The following KXD1 variants were observed in gnomAD, a reference collection of about 807,000 sequenced individuals.
KXD1 encodes the protein KxDL motif containing 1.
KXD1 carries 5 observed loss-of-function variants against 12.1 expected under a neutral mutation model. The ratio of observed to expected loss-of-function variants is 0.41; its 90% CI spans 0.22 to 0.87. KXD1 has a LOEUF of 0.87. KXD1 is among the 40% of genes least tolerant of loss of function. KXD1 has a pLI of 0.31. For synonymous variants in KXD1, 98 were observed against 100.5 expected (o/e 0.98, Z 0.15); for missense variants, 193 against 244.9 (o/e 0.79, Z 1.41).
chr19:18,565,258 C>CT (rs1975155999), intron 3 of KXD1: 1 of 1,201,578 alleles, frequency 8.3e-7, no homozygotes. Context: ...GAGACGGAGT[C>CT]TCGCTCTGTT....
Position 18,562,106 on chromosome 19 carries a change from G to A in KXD1, c.50G>A (p.Ser17Asn). 6.2e-7 allele frequency: 1 copy of A among 1,613,760 alleles called. No homozygotes were observed. Among genetic ancestry groups the A allele is most frequent in the South Asian group, 1.1e-5 (1 of 90,972 alleles). The change falls in exon 2 of 5, where the codon AGC becomes AAC. Residue 17 changes from serine to asparagine, a missense_variant. Physicochemically the swap from Ser to Asn is conservative, Grantham distance 46. Transcript: ENST00000222307. ...AGGGTCTTCTGCGGCCGCATCCTGA[G>A]CATGGTGAACACAGATGATGTCAAC... ...ASRVFCGRILSMVNTDDVNAI... is the reference protein window; with the variant it reads ...ASRVFCGRILNMVNTDDVNAI...
chr19:18,566,412 C>T (rs572974555), intron 3 of KXD1, among the ~76,000 whole-genome samples: 4 of 85,278 alleles, frequency 4.7e-5, no homozygotes, highest in South Asian at 3.3e-4. Flanking sequence ...GCCGAGATCG[C>T]GCCACTGCAC....
At chr19:18,564,307 C>T (rs1343954849) in intron 2 of KXD1, among the ~76,000 whole-genome samples, 2 of 152,040 alleles carry the variant, frequency 1.3e-5, no homozygotes, top group Non-Finnish European at 2.9e-5. Flanking sequence ...AGAGGAACAA[C>T]CTGGGGCTAG....
At chr19:18,561,890 G>C (rs1974930346) in intron 1 of KXD1, 146 bp from the exon 2 acceptor site, 1 of 519,934 alleles carries the variant, frequency 1.9e-6, no homozygotes, top group Non-Finnish European at 3.4e-6. Flanking sequence ...GGTTCAGGTG[G>C]CATGACTGAG....
In KXD1 at chr19:18,568,769, C is replaced by G. The variant is rs1176163174; in HGVS notation, c.*138C>G. The G allele has an allele frequency of 1.7e-5, 11 of 651,654 alleles. No individual in the cohort carries two copies. The highest frequency in any genetic ancestry group is 1.1e-4 in the African/African-American group (6 of 54,824). The allele number at this position is 651,654 out of a possible 1,614,324, so 40.4% of individuals were successfully genotyped here. ...CCAGGGCTCCTAGGGGGACAAGGCT[C>G]TCTCCCGAGGGGTGTGGAATTCCTG... On this transcript the variant is annotated 3_prime_UTR_variant, in exon 5 of 5. Transcript: ENST00000222307.
intron 3 of KXD1, among the ~76,000 whole-genome samples, chr19:18,565,640 A>G (rs149716025): frequency 0.011 from 1,616 of 152,188 alleles, 17 homozygotes; most frequent in South Asian, 0.024. Context: ...CAGCCTTCTG[A>G]GTAGCTGGGT....
intron 1 of KXD1, chr19:18,561,812 T>G: frequency 2.6e-6 from 1 of 387,128 alleles, no homozygotes; most frequent in Non-Finnish European, 4.7e-6. Flanking sequence ...TGTGCTTGGG[T>G]ACAGTTTACA....
intron 4 of KXD1, among the ~76,000 whole-genome samples, 184 bp from the exon 5 acceptor site, chr19:18,568,218 G>A (rs1321729352): frequency 7.0e-6 from 1 of 143,472 alleles, no homozygotes; most frequent in Non-Finnish European, 1.5e-5. Context: ...AGTGAGCCGA[G>A]ATTATACCAT....
intron 1 of KXD1, chr19:18,558,272 G>C (rs1976999387): frequency 1.3e-5 from 2 of 152,204 alleles, no homozygotes; most frequent in African/African-American, 4.8e-5. Context: ...CCCACTTGGG[G>C]TTTTTCAGAG....
At chr19:18,561,747 G>A (rs1974923678) in intron 1 of KXD1, 1 of 235,626 alleles carries the variant, frequency 4.2e-6, no homozygotes. Context: ...ATCTGTGCAG[G>A]TGAGAGGTAC....
intron 4 of KXD1, among the ~76,000 whole-genome samples, chr19:18,567,994 G>A (rs548698826): frequency 9.2e-5 from 14 of 152,300 alleles, no homozygotes; most frequent in Admixed American, 5.9e-4. Flanking sequence ...TCTGCCAGGC[G>A]CGGTGGCTCA....
In KXD1 at chr19:18,559,179, G is replaced by A. The variant is rs1311334883; in HGVS notation, c.-22+1265G>A. On this transcript the variant is annotated intron_variant, in intron 1 of 4. Transcript: ENST00000222307. ...ATTTTTGTATTTTTAGTAGAGACGGGGGTTTCACCATGTTCACCAGGCTAG... is the reference window on the plus strand; with the variant it reads ...ATTTTTGTATTTTTAGTAGAGACGGAGGTTTCACCATGTTCACCAGGCTAG... 4.6e-5 allele frequency: 7 copies of A among 151,986 alleles called. No homozygotes were observed. In the East Asian group the frequency reaches 9.7e-4, roughly 21 times the overall value. The allele number at this position is 151,986 out of a possible 1,614,324, so 9.4% of individuals were successfully genotyped here. A position where few individuals can be genotyped will look rare whatever the true frequency, so the allele number is the denominator to read the frequency against.
In KXD1 at chr19:18,568,415, A is replaced by G; in HGVS notation, c.315A>G (p.Ala105=). 1 of 1,613,714 alleles carries G rather than the reference A, an allele frequency of 6.2e-7. No individual in the cohort carries two copies. Among genetic ancestry groups the G allele is most frequent in the Non-Finnish European group, 8.5e-7 (1 of 1,179,626 alleles). ...HPEAFSHIPE[A]SFLEEEDEDP... is the part of the protein sequence containing the mutation. Reference sequence around the variant, plus strand: ...TCCTTCCCCCAGATATCCCAGAGGCATCCTTCCTGGAGGAAGAGGATGAAG... The same window carrying G: ...TCCTTCCCCCAGATATCCCAGAGGCGTCCTTCCTGGAGGAAGAGGATGAAG... The change falls in exon 5 of 5, where the codon GCA becomes GCG. Residue 105 remains alanine (A), a synonymous_variant. Coordinates refer to ENST00000222307, the MANE Select transcript of KXD1 (RefSeq NM_024069.4).
chr19:18,567,477 G>A (rs535417652), intron 4 of KXD1, among the ~76,000 whole-genome samples: 2 of 152,324 alleles, frequency 1.3e-5, no homozygotes, highest in African/African-American at 4.8e-5. Context: ...ACAGAGCACG[G>A]GCTCATGTGA....
At chr19:18,566,712 G>A (rs1975255475) in intron 3 of KXD1, among the ~76,000 whole-genome samples, 2 of 151,740 alleles carry the variant, frequency 1.3e-5, no homozygotes, top group Admixed American at 1.3e-4. Flanking sequence ...ACAATCATGT[G>A]AATCCGGAAG....
intron 2 of KXD1, among the ~76,000 whole-genome samples, chr19:18,563,036 C>T (rs1975000076): frequency 6.6e-6 from 1 of 152,206 alleles, no homozygotes; most frequent in Admixed American, 6.5e-5. Flanking sequence ...TAAAACATTA[C>T]GAGATTTTTT....
At position 18,568,395 on chromosome 19, in the gene KXD1, C is replaced by T. The variant is rs369516964; in HGVS notation, c.302-7C>T. On this transcript the variant is annotated splice_polypyrimidine_tract_variant and splice_region_variant and intron_variant, in intron 4 of 4. Transcript: ENST00000222307. Reference sequence around the variant, plus strand: ...ACAAAACCAACTCTTGGGCCTCCTTCCCCCAGATATCCCAGAGGCATCCTT... The same window carrying T: ...ACAAAACCAACTCTTGGGCCTCCTTTCCCCAGATATCCCAGAGGCATCCTT... 1.6e-5 allele frequency: 26 copies of T among 1,607,958 alleles called. No individual in the cohort carries two copies. The highest frequency in any genetic ancestry group is 3.3e-5 in the South Asian group (3 of 90,888).
At chr19:18,561,981 T>A (rs969425732) in intron 1 of KXD1, 55 bp from the exon 2 acceptor site, 1 of 1,215,810 alleles carries the variant, frequency 8.2e-7, no homozygotes. Context: ...CCTGGCCTCT[T>A]GGTCCCACCT....
chr19:18,564,122 T>C (rs1427442076), intron 2 of KXD1, among the ~76,000 whole-genome samples: 2 of 151,838 alleles, frequency 1.3e-5, no homozygotes, highest in African/African-American at 2.4e-5. Flanking sequence ...CCTGACCTCA[T>C]GATCTGCCTG....
Sources: gnomAD v4.1 joint callset for allele counts (sites outside exome capture counted in the v4.1 genomes callset) on GRCh38, gnomAD v4.1.1 for gene constraint, MANE v1.5 for transcripts, NCBI Gene and HGNC (gene_info 2026-07-23, HGNC 2026-07-21) for gene names.